WNT3: variants seen among roughly 807,000 people sequenced by gnomAD.
The protein encoded by WNT3 is proto-oncogene Wnt-3.
Under a neutral mutation model 34.2 loss-of-function variants are expected in WNT3, and 7 were observed. That is an observed-to-expected ratio of 0.20 (90% CI 0.12 to 0.38). The LOEUF is 0.38. Ranked by LOEUF, WNT3 falls within the 10% of genes least tolerant of loss-of-function variation. The pLI is 1.00. For missense variants in WNT3, 267 were observed against 499.8 expected (o/e 0.53, Z 4.44); for synonymous variants, 212 against 211.5 (o/e 1.00, Z -0.02).
intron 1 of WNT3, among the ~76,000 whole-genome samples, chr17:46,799,909 T>C (rs2084102501): frequency 6.6e-6 from 1 of 152,160 alleles, no homozygotes; most frequent in Non-Finnish European, 1.5e-5. Context: ...GCACCACAGG[T>C]GGTTCTGTCA....
rs2146363120 is a variant in WNT3, at chr17:46,764,217, G to A, written c.*413C>T. ...TCTTGGAATGTCACCAGAAGCAGCA[G>A]TTTGGAAACAGAACCTTGCCCATGC... On this transcript the variant is annotated 3_prime_UTR_variant, in exon 5 of 5. Transcript: ENST00000225512. The A allele has an allele frequency of 6.5e-6, 1 of 152,720 alleles. No homozygotes were observed. Among genetic ancestry groups the A allele is most frequent in the Admixed American group, 6.5e-5 (1 of 15,306 alleles). 9.5% of individuals were successfully genotyped at this position (152,720 alleles called of 1,614,324 possible).
rs1432252281 is a variant in WNT3, at chr17:46,768,195, T to G, written c.*8+117A>C. ...AGCTTCCTATTTTGGCTGTGGGAACTTGTGTGTCTTGGATAGCTTAGAAAC... is the reference window on the plus strand; with the variant it reads ...AGCTTCCTATTTTGGCTGTGGGAACGTGTGTGTCTTGGATAGCTTAGAAAC... On this transcript the variant is annotated intron_variant, in intron 4 of 4. Coordinates refer to ENST00000225512, the MANE Select transcript of WNT3 (RefSeq NM_030753.5). The surrounding 1 kb of genome is among the most constrained non-coding windows in gnomAD (Gnocchi z 5.0). The G allele has an allele frequency of 2.7e-6, 4 of 1,463,584 alleles. No homozygotes were observed. The allele number at this position is 1,463,584 out of a possible 1,614,324, so 90.7% of individuals were successfully genotyped here. A position where few individuals can be genotyped will look rare whatever the true frequency, so the allele number is the denominator to read the frequency against.
In WNT3 at chr17:46,768,358, C is replaced by G. The variant is rs2059333713; in HGVS notation, c.1030G>C (p.Glu344Gln). 6.2e-7 allele frequency: 1 copy of G among 1,613,854 alleles called. No individual in the cohort carries two copies. Residue 344 changes from glutamate to glutamine, a missense_variant, in exon 4 of 5, where the codon GAG becomes CAG. Glu to Gln is a conservative substitution (Grantham distance 29). Transcript: ENST00000225512. The surrounding 1 kb of genome is among the most constrained non-coding windows in gnomAD (Gnocchi z 5.0). ...TGCACGTCGTAGATGCGAATACACT[C>G]CTGGCAGCTGACGTAGCAGCACCAG... ...FHWCCYVSCQ[E>Q]CIRIYDVHTC...
At chr17:46,781,272 C>T (rs2059458555) in intron 1 of WNT3, among the ~76,000 whole-genome samples, 2 of 150,960 alleles carry the variant, frequency 1.3e-5, no homozygotes, top group Admixed American at 6.6e-5. Context: ...GCTTCTGATG[C>T]AAGCTACAAC....
chr17:46,785,973 G>A (rs978333126), intron 1 of WNT3, among the ~76,000 whole-genome samples: 1 of 152,218 alleles, frequency 6.6e-6, no homozygotes, highest in Non-Finnish European at 1.5e-5. Context: ...TGACAAGACC[G>A]CCTGAAAAAT....
rs748392359 is a variant in WNT3, at chr17:46,768,779, G to A, written c.609C>T (p.His203=). ...ACAGCCCGTGGCACTTGCATTTGAG[G>A]TGCATGTGGTCCAGGATAGTCTGGG... ...AGRTTILDHM[H]LKCKCHGLSG... is the part of the protein sequence containing the mutation. The change falls in exon 4 of 5, where the codon CAC becomes CAT. Residue 203 remains histidine (H), a synonymous_variant. Coordinates refer to ENST00000225512, the MANE Select transcript of WNT3 (RefSeq NM_030753.5). The surrounding 1 kb of genome is among the most constrained non-coding windows in gnomAD (Gnocchi z 5.0). 1.2e-6 allele frequency: 2 copies of A among 1,613,900 alleles called. No individual in the cohort carries two copies. The highest frequency in any genetic ancestry group is 1.7e-6 in the Non-Finnish European group (2 of 1,180,026).
intron 4 of WNT3, among the ~76,000 whole-genome samples, chr17:46,766,430 G>A (rs2059314152): frequency 6.6e-6 from 1 of 151,786 alleles, no homozygotes; most frequent in African/African-American, 2.4e-5. Flanking sequence ...AAGTTCTGCT[G>A]GGCTCCCATT....
intron 3 of WNT3, among the ~76,000 whole-genome samples, chr17:46,769,340 AAAAG>A (rs1307391370): frequency 6.6e-6 from 1 of 152,002 alleles, no homozygotes; most frequent in East Asian, 1.9e-4. Context: ...AAAGAAAAGA[AAAAG>A]AAAAAAGAAA....
At position 46,818,562 on chromosome 17, in the gene WNT3, G is replaced by A. The variant is rs1322053804; in HGVS notation, c.36C>T (p.Leu12=). 2.5e-6 allele frequency: 4 copies of A among 1,608,746 alleles called. No individual in the cohort carries two copies. The highest frequency in any genetic ancestry group is 3.4e-6 in the Non-Finnish European group (4 of 1,178,328). The change falls in exon 1 of 5, where the codon CTC becomes CTT. Residue 12 remains leucine, a synonymous_variant. Transcript: ENST00000225512. ...EPHLLGLLLG[L]LLGGTRVLAG... ...CGAGGACCCTGGTGCCACCGAGCAGGAGGCCGAGGAGCAGCCCGAGCAGGT... is the reference window on the plus strand; with the variant it reads ...CGAGGACCCTGGTGCCACCGAGCAGAAGGCCGAGGAGCAGCCCGAGCAGGT...
At chr17:46,789,211 C>T (rs1219815893) in intron 1 of WNT3, among the ~76,000 whole-genome samples, 1 of 152,202 alleles carries the variant, frequency 6.6e-6, no homozygotes, top group African/African-American at 2.4e-5. Context: ...AGAGGCCACC[C>T]TCCCTGCCTC....
intron 1 of WNT3, among the ~76,000 whole-genome samples, chr17:46,815,749 C>T (rs954399194): frequency 6.6e-6 from 1 of 152,160 alleles, no homozygotes; most frequent in African/African-American, 2.4e-5. Flanking sequence ...AAGCCTGTGC[C>T]CCTGCCTCTC....
At chr17:46,769,665 G>A (rs572627379) in intron 3 of WNT3, 118 bp downstream of exon 3, 21 of 1,413,250 alleles carry the variant, frequency 1.5e-5, no homozygotes, top group Admixed American at 3.9e-5. Context: ...TGGCCAAGGG[G>A]AAAAGGAGCC....
At position 46,788,683 on chromosome 17, in the gene WNT3, C is replaced by A. The variant is rs557297628; in HGVS notation, c.81-14774G>T. ...GGTGAGTTTTTTGAGAGGAGGGATT[C>A]TTTCACTCGTTTCCATGTAGAATCT... On this transcript the variant is annotated intron_variant, in intron 1 of 4. Transcript: ENST00000225512. 3.9e-5 allele frequency among the ~76,000 whole-genome samples: 6 copies of A among 152,332 alleles called. No individual in the cohort carries two copies. The South Asian group carries it at 1.2e-3, about 32-fold the overall frequency.
chr17:46,789,320 C>T (rs1568085516), intron 1 of WNT3, among the ~76,000 whole-genome samples: 1 of 152,220 alleles, frequency 6.6e-6, no homozygotes, highest in Non-Finnish European at 1.5e-5. Context: ...CAGTCCCTGA[C>T]CAGCTGGCTA....
At chr17:46,802,956 G>T (rs2084144900) in intron 1 of WNT3, among the ~76,000 whole-genome samples, 1 of 152,226 alleles carries the variant, frequency 6.6e-6, no homozygotes, top group East Asian at 1.9e-4. Context: ...TTTATAGCAG[G>T]TCAGTCAGGA....
intron 2 of WNT3, 49 bp downstream of exon 2, chr17:46,773,619 T>TGCCTG: frequency 1.8e-6 from 1 of 549,846 alleles, no homozygotes; most frequent in Non-Finnish European, 3.2e-6. Context: ...ACAGTCCTGA[T>TGCCTG]CCCTCCCCCC....
intron 1 of WNT3, among the ~76,000 whole-genome samples, chr17:46,797,363 G>A (rs2084067912): frequency 6.6e-6 from 1 of 152,186 alleles, no homozygotes. Context: ...GCTCCAGGCT[G>A]GGTTTTGAAA....
At chr17:46,796,264 G>A (rs2084053245) in intron 1 of WNT3, among the ~76,000 whole-genome samples, 2 of 152,226 alleles carry the variant, frequency 1.3e-5, no homozygotes, top group Admixed American at 6.5e-5. Flanking sequence ...ACAGTCCCTG[G>A]CACATAGTAG....
intron 1 of WNT3, among the ~76,000 whole-genome samples, chr17:46,806,970 C>T (rs541586118): frequency 1.3e-5 from 2 of 152,224 alleles, no homozygotes; most frequent in Admixed American, 1.3e-4. Flanking sequence ...GCAATAGCAC[C>T]GTCGGCTTCC....
Sources: gnomAD v4.1 joint callset for allele counts (sites outside exome capture counted in the v4.1 genomes callset) on GRCh38, gnomAD v4.1.1 for gene constraint, Gnocchi (gnomAD v3.1) non-coding constraint, MANE v1.5 for transcripts, NCBI Gene and HGNC (gene_info 2026-07-23, HGNC 2026-07-21) for gene names.